The following HESX1 variants were observed in gnomAD, a reference collection of about 807,000 sequenced individuals.
HESX1 encodes HESX homeobox 1.
HESX1 carries 11 observed loss-of-function variants against 22.5 expected under a neutral mutation model. The ratio of observed to expected loss-of-function variants is 0.49; its 90% CI spans 0.31 to 0.81. HESX1 has a LOEUF of 0.81. Ranked by LOEUF, HESX1 falls within the 30% of genes least tolerant of loss-of-function variation. The pLI, the probability that HESX1 is intolerant of heterozygous loss-of-function variation, is 0.05. For synonymous variants in HESX1, 74 were observed against 76.5 expected (o/e 0.97, Z 0.17); for missense variants, 201 against 212.6 (o/e 0.95, Z 0.34).
chr3:57,210,417 A>G (rs2060547046), intron 1 of HESX1, among the ~76,000 whole-genome samples: 7 of 152,190 alleles, frequency 4.6e-5, no homozygotes, highest in Admixed American at 4.6e-4. Flanking sequence ...GTGTTTTGGC[A>G]GAGATTTCTG....
chr3:57,216,121 C>G (rs1343874504), intron 1 of HESX1, among the ~76,000 whole-genome samples: 1 of 152,124 alleles, frequency 6.6e-6, no homozygotes, highest in Non-Finnish European at 1.5e-5. Context: ...TCATCAAACC[C>G]CATCAAGTTT....
chr3:57,207,329 A>G (rs757881345), intron 1 of HESX1, among the ~76,000 whole-genome samples: 2 of 152,148 alleles, frequency 1.3e-5, no homozygotes, highest in Non-Finnish European at 2.9e-5. Context: ...GTGACTTCTT[A>G]CCTCTGAGAT....
At chr3:57,201,561 G>T (rs1168836815), upstream of HESX1, among the ~76,000 whole-genome samples, 1 of 150,486 alleles carries the variant, frequency 6.6e-6, no homozygotes. Context: ...GTGCAGGGTG[G>T]GGGGCAGGAA....
intron 1 of HESX1, among the ~76,000 whole-genome samples, chr3:57,209,833 C>G (rs2060542558): frequency 6.6e-6 from 1 of 152,126 alleles, no homozygotes. Flanking sequence ...ATAATGAATA[C>G]AAACACAAAA....
chr3:57,200,149 C>A (rs2060476868), upstream of HESX1: 2 of 523,176 alleles, frequency 3.8e-6, no homozygotes, highest in East Asian at 6.8e-5. Context: ...TAATTAGCAA[C>A]TAATGGCTAC....
At chr3:57,207,467 T>C (rs1409943405) in intron 1 of HESX1, among the ~76,000 whole-genome samples, 1 of 152,170 alleles carries the variant, frequency 6.6e-6, no homozygotes, top group East Asian at 1.9e-4. Flanking sequence ...TGACAAAATG[T>C]TGAGAATAGC....
chr3:57,216,088 T>C (rs768826098), intron 1 of HESX1, among the ~76,000 whole-genome samples: 36 of 152,308 alleles, frequency 2.4e-4, no homozygotes, highest in Middle Eastern at 3.4e-3. Context: ...TAAAGTAACA[T>C]TGGTTATATC....
At chr3:57,216,497 A>G (rs2060583378) in intron 1 of HESX1, among the ~76,000 whole-genome samples, 1 of 152,180 alleles carries the variant, frequency 6.6e-6, no homozygotes, top group African/African-American at 2.4e-5. Flanking sequence ...CTGTAGTCCC[A>G]GATACCTAGG....
At chr3:57,225,706 G>A (rs2060638108) in intron 1 of HESX1, among the ~76,000 whole-genome samples, 1 of 152,050 alleles carries the variant, frequency 6.6e-6, no homozygotes, top group Admixed American at 6.6e-5. Flanking sequence ...TAATGTAATG[G>A]CCTCTTGAGA....
At chr3:57,201,921 ATC>A (rs1491315399), upstream of HESX1, among the ~76,000 whole-genome samples, 6 of 149,148 alleles carry the variant, frequency 4.0e-5, no homozygotes, top group African/African-American at 1.5e-4. Context: ...CTATCTATCT[ATC>A]TATCTATTTT....
intron 1 of HESX1, among the ~76,000 whole-genome samples, chr3:57,223,436 C>T (rs2060626094): frequency 1.3e-5 from 2 of 151,872 alleles, no homozygotes; most frequent in Admixed American, 1.3e-4. Flanking sequence ...CAGAATTGTC[C>T]CACATTCTAA....
intron 1 of HESX1, among the ~76,000 whole-genome samples, chr3:57,216,860 C>T (rs943436126): frequency 2.6e-5 from 4 of 151,862 alleles, no homozygotes; most frequent in Non-Finnish European, 4.4e-5. Context: ...GTACTTTAAC[C>T]CTATGTAAAT....
intron 1 of HESX1, among the ~76,000 whole-genome samples, chr3:57,206,236 C>T (rs2060518777): frequency 6.6e-6 from 1 of 152,044 alleles, no homozygotes; most frequent in African/African-American, 2.4e-5. Flanking sequence ...GTGCTTAGCT[C>T]ATACTAGGTG....
rs56093005 is a variant in HESX1, at chr3:57,212,557, CA to C, written c.-110-12530del. 3.1e-3 allele frequency among the ~76,000 whole-genome samples: 250 copies of C among 80,116 alleles called. 1 individual carries two copies. Among genetic ancestry groups the C allele is most frequent in the African/African-American group, 5.1e-3 (94 of 18,292 alleles). The allele number at this position is 80,116 out of a possible 152,430, so 52.6% of individuals were successfully genotyped here. Reference sequence around the variant, plus strand: ...CTGGGGACAGAGCAAGACTCTGTCTCAAAAAAAAAAAAAAAAAGATTCATTC... The same window carrying C: ...CTGGGGACAGAGCAAGACTCTGTCTCAAAAAAAAAAAAAAAAGATTCATTC... On this transcript the variant is annotated intron_variant, in intron 1 of 2. Transcript: ENST00000495160.
chr3:57,218,439 C>CTTTTT lies in HESX1; in HGVS notation c.-111+7852_-111+7856dup, dbSNP rs60734023. 7.6e-4 allele frequency among the ~76,000 whole-genome samples: 78 copies of CTTTTT among 102,252 alleles called. 1 individual carries two copies. Among genetic ancestry groups the CTTTTT allele is most frequent in the African/African-American group, 2.0e-3 (58 of 28,870 alleles). The allele number at this position is 102,252 out of a possible 152,430, so 67.1% of individuals were successfully genotyped here. The stretch of plus-strand genomic sequence containing the variant: ...TGTTTGGAAAGGACATGATCTCATT[C>CTTTTT]TTTTTTTTTTTTTTTTTTTTTTGAG... On this transcript the variant is annotated intron_variant, in intron 1 of 2. Transcript: ENST00000495160.
chr3:57,198,641 T>G (rs2060463388), intron 2 of HESX1, 112 bp downstream of exon 2: 4 of 1,089,258 alleles, frequency 3.7e-6, no homozygotes, highest in South Asian at 2.6e-5. Flanking sequence ...GGTAGTCTAC[T>G]GTTTCATTAA....
At chr3:57,216,038 A>G (rs923885077) in intron 1 of HESX1, among the ~76,000 whole-genome samples, 1 of 152,162 alleles carries the variant, frequency 6.6e-6, no homozygotes, top group Non-Finnish European at 1.5e-5. Context: ...GCAAACAAGG[A>G]TTTCCTCCTA....
intron 1 of HESX1, among the ~76,000 whole-genome samples, chr3:57,219,355 G>A (rs547679636): frequency 1.3e-5 from 2 of 151,946 alleles, no homozygotes; most frequent in Admixed American, 6.6e-5. Context: ...GTGTCTGTTC[G>A]TGTCCTTTGC....
chr3:57,220,022 C>T (rs534441152), intron 1 of HESX1, among the ~76,000 whole-genome samples: 4 of 152,162 alleles, frequency 2.6e-5, no homozygotes, highest in Non-Finnish European at 2.9e-5. Context: ...TTGTATATGG[C>T]GTAAAAAAGG....
Sources: allele counts gnomAD v4.1 joint callset (sites outside exome capture counted in the v4.1 genomes callset), GRCh38; gene constraint gnomAD v4.1.1; transcripts MANE v1.5; gene names NCBI Gene and HGNC (gene_info 2026-07-23, HGNC 2026-07-21).